IMMP2L: variants seen among roughly 807,000 people sequenced by gnomAD.
IMMP2L encodes the protein mitochondrial inner membrane protease subunit 2.
A neutral mutation model predicts 19.3 loss-of-function variants in IMMP2L; 18 were observed. The ratio of observed to expected loss-of-function variants is 0.93; its 90% confidence interval spans 0.64 to 1.38. The LOEUF (loss-of-function observed/expected upper bound fraction) is 1.38. Among genes scored for constraint, IMMP2L ranks in the 40% most tolerant of loss-of-function variants. IMMP2L has a pLI of 0.00. For synonymous variants in IMMP2L, 76 were observed against 73.0 expected (o/e 1.04, Z -0.21); for missense variants, 233 against 218.2 (o/e 1.07, Z -0.43).
intron 2 of IMMP2L, among the ~76,000 whole-genome samples, chr7:111,498,614 C>G (rs1206866105): frequency 6.6e-6 from 1 of 152,014 alleles, no homozygotes; most frequent in Non-Finnish European, 1.5e-5. Flanking sequence ...TGCATGATTC[C>G]CTCAGAAGCA....
chr7:111,307,276 T>C (rs2130171664), intron 3 of IMMP2L, among the ~76,000 whole-genome samples: 1 of 151,796 alleles, frequency 6.6e-6, no homozygotes, highest in East Asian at 1.9e-4. Context: ...GTGATTAATA[T>C]TTGGCCAATG....
At chr7:111,074,740 C>A (rs1487672700) in intron 3 of IMMP2L, among the ~76,000 whole-genome samples, 2 of 152,150 alleles carry the variant, frequency 1.3e-5, no homozygotes, top group Non-Finnish European at 2.9e-5. Context: ...TTCCACATTC[C>A]AATACCTGTT....
At chr7:111,444,815 T>C (rs1394535836) in intron 3 of IMMP2L, among the ~76,000 whole-genome samples, 1 of 152,048 alleles carries the variant, frequency 6.6e-6, no homozygotes, top group Non-Finnish European at 1.5e-5. Flanking sequence ...AATGCAGTGG[T>C]CTTCAAATTG....
At chr7:111,498,431 C>T (rs529443456) in intron 2 of IMMP2L, among the ~76,000 whole-genome samples, 8 of 151,988 alleles carry the variant, frequency 5.3e-5, no homozygotes, top group South Asian at 2.1e-4. Flanking sequence ...AAGATACATG[C>T]GGAATCTTTA....
intron 3 of IMMP2L, among the ~76,000 whole-genome samples, chr7:111,101,825 T>C (rs1798013167): frequency 6.6e-6 from 1 of 151,396 alleles, no homozygotes; most frequent in African/African-American, 2.4e-5. Context: ...ATAGTTCCTA[T>C]CTCTACTGCC....
At chr7:111,016,529 A>G (rs1200667910) in intron 3 of IMMP2L, among the ~76,000 whole-genome samples, 1 of 121,724 alleles carries the variant, frequency 8.2e-6, no homozygotes, top group Non-Finnish European at 1.6e-5. Context: ...ATATATGTAT[A>G]TATTATATAT....
intron 5 of IMMP2L, among the ~76,000 whole-genome samples, chr7:110,831,793 A>T (rs1337747400): frequency 3.9e-5 from 6 of 152,216 alleles, no homozygotes; most frequent in Non-Finnish European, 5.9e-5. Context: ...ATTTGGGGTC[A>T]CTGATTTATT....
At chr7:110,741,053 C>T (rs1796958428) in intron 5 of IMMP2L, among the ~76,000 whole-genome samples, 1 of 152,082 alleles carries the variant, frequency 6.6e-6, no homozygotes, top group Non-Finnish European at 1.5e-5. Context: ...TATAGCAGCA[C>T]AATTTGCAGT....
chr7:111,486,450 A>G (rs1842661230), intron 3 of IMMP2L, among the ~76,000 whole-genome samples: 1 of 152,174 alleles, frequency 6.6e-6, no homozygotes, highest in African/African-American at 2.4e-5. Context: ...CTCCAAATCA[A>G]ATGGCAGTAA....
At chr7:111,331,191 G>A (rs1825839716) in intron 3 of IMMP2L, among the ~76,000 whole-genome samples, 1 of 151,880 alleles carries the variant, frequency 6.6e-6, no homozygotes, top group Non-Finnish European at 1.5e-5. Context: ...GCCCATCAAT[G>A]GATGAATGGA....
At chr7:111,137,144 C>T (rs1191151307) in intron 3 of IMMP2L, among the ~76,000 whole-genome samples, 2 of 152,092 alleles carry the variant, frequency 1.3e-5, no homozygotes, top group African/African-American at 4.8e-5. Context: ...GGTTAGTTCA[C>T]TTTCTAGTGG....
At chr7:110,861,950 T>C (rs1050571050) in intron 5 of IMMP2L, among the ~76,000 whole-genome samples, 2 of 152,070 alleles carry the variant, frequency 1.3e-5, no homozygotes, top group African/African-American at 4.8e-5. Context: ...CACTATTATA[T>C]TACAAGTATA....
chr7:110,701,751 A>G (rs1425457530), intron 5 of IMMP2L, among the ~76,000 whole-genome samples: 1 of 152,120 alleles, frequency 6.6e-6, no homozygotes, highest in African/African-American at 2.4e-5. Flanking sequence ...ATCCCATTTT[A>G]AAGATGAGAA....
At chr7:110,845,517 A>G (rs1805573005) in intron 5 of IMMP2L, among the ~76,000 whole-genome samples, 1 of 152,098 alleles carries the variant, frequency 6.6e-6, no homozygotes, top group African/African-American at 2.4e-5. Flanking sequence ...TCAAATTGTT[A>G]TATTTTTATC....
chr7:111,519,093 C>T (rs1846119806), intron 2 of IMMP2L, among the ~76,000 whole-genome samples: 1 of 152,136 alleles, frequency 6.6e-6, no homozygotes, highest in South Asian at 2.1e-4. Context: ...AAGCTGAATA[C>T]ATCACAGTCC....
Position 111,005,645 on chromosome 7 carries a change from C to A in IMMP2L, c.240-42080G>T, listed in dbSNP as rs188260412. 2.9e-4 allele frequency among the ~76,000 whole-genome samples: 44 copies of A among 152,220 alleles called. No homozygotes were observed. In the South Asian group the frequency reaches 5.4e-3, roughly 19 times the overall value. ...CCTGTAAGGGTGTCACAATCATAAA[C>A]GACCAAGATTAGTTTCTATTCTGGG... is the stretch of plus-strand genomic sequence containing the variant. On this transcript the variant is annotated intron_variant, in intron 3 of 5. Transcript: ENST00000405709.
At chr7:110,777,387 T>C (rs1799459609) in intron 5 of IMMP2L, among the ~76,000 whole-genome samples, 1 of 151,992 alleles carries the variant, frequency 6.6e-6, no homozygotes, top group Admixed American at 6.6e-5. Flanking sequence ...AAGCAAGATG[T>C]AGTCATCCGG....
rs532635316 is a variant in IMMP2L, at chr7:110,795,223, C to T, written c.408+91370G>A. Among the ~76,000 whole-genome samples the T allele has an allele frequency of 2.7e-5, 4 of 150,924 alleles. No individual in the cohort carries two copies. The South Asian group carries it at 8.3e-4, about 31-fold the overall frequency. On this transcript the variant is annotated intron_variant, in intron 5 of 5. Coordinates refer to ENST00000405709, the MANE Select transcript of IMMP2L (RefSeq NM_032549.4). Reference sequence around the variant, plus strand: ...GAGTTCCTGAGTTTTCTATTTGGACCCCAGCCTTGCTTTTTTTACTGGCCA... The same window carrying T: ...GAGTTCCTGAGTTTTCTATTTGGACTCCAGCCTTGCTTTTTTTACTGGCCA...
intron 5 of IMMP2L, among the ~76,000 whole-genome samples, chr7:110,723,870 A>G (rs1185154900): frequency 6.6e-6 from 1 of 151,988 alleles, no homozygotes; most frequent in Non-Finnish European, 1.5e-5. Context: ...AAAAAAAAAA[A>G]AAAGAACAGA....
Sources: gnomAD v4.1 joint callset for allele counts (sites outside exome capture counted in the v4.1 genomes callset) on GRCh38, gnomAD v4.1.1 for gene constraint, MANE v1.5 for transcripts, NCBI Gene and HGNC (gene_info 2026-07-23, HGNC 2026-07-21) for gene names.